FHIT: variants seen among roughly 807,000 people sequenced by gnomAD.
The protein encoded by FHIT is fragile histidine triad diadenosine triphosphatase.
FHIT carries 19 observed loss-of-function variants against 17.9 expected under a neutral mutation model. That is an observed-to-expected ratio of 1.06 (90% CI 0.74 to 1.56). The LOEUF (loss-of-function observed/expected upper bound fraction) is 1.56, where lower values mean the gene tolerates loss of function less well. Among genes scored for constraint, FHIT ranks in the 40% most tolerant of loss-of-function variants. The probability of loss-of-function intolerance (pLI) is 0.00; values close to 1 mark genes in which losing one functional copy is unlikely to be tolerated. For missense variants in FHIT, 248 were observed against 189.2 expected (o/e 1.31, Z -1.82); for synonymous variants, 81 against 69.7 (o/e 1.16, Z -0.81).
At chr3:60,871,278 G>A (rs1316525617) in intron 3 of FHIT, among the ~76,000 whole-genome samples, 1 of 151,906 alleles carries the variant, frequency 6.6e-6, no homozygotes, top group East Asian at 1.9e-4. Flanking sequence ...GAGCTTTATG[G>A]TGGCACTCTA....
intron 5 of FHIT, among the ~76,000 whole-genome samples, chr3:60,496,531 A>G (rs567781808): frequency 3.9e-5 from 6 of 152,270 alleles, no homozygotes; most frequent in African/African-American, 1.4e-4. Context: ...TTTTCACCCA[A>G]TGCTATGGAG....
intron 5 of FHIT, among the ~76,000 whole-genome samples, chr3:60,221,884 C>A (rs1474609951): frequency 6.6e-6 from 1 of 151,636 alleles, no homozygotes; most frequent in African/African-American, 2.4e-5. Flanking sequence ...TTAATTAGGC[C>A]TAGTAGAGTG....
At chr3:59,868,568 T>A (rs1702765040) in intron 8 of FHIT, among the ~76,000 whole-genome samples, 1 of 152,226 alleles carries the variant, frequency 6.6e-6, no homozygotes, top group Non-Finnish European at 1.5e-5. Context: ...TTACAGTGCA[T>A]TTCTCTGACA....
intron 5 of FHIT, among the ~76,000 whole-genome samples, chr3:60,203,934 G>T (rs1484536840): frequency 5.3e-5 from 8 of 152,182 alleles, no homozygotes; most frequent in Non-Finnish European, 1.0e-4. Flanking sequence ...ATGGTTAACA[G>T]AGGCTGGGAA....
At chr3:59,878,541 C>T (rs1039415739) in intron 8 of FHIT, among the ~76,000 whole-genome samples, 7 of 152,154 alleles carry the variant, frequency 4.6e-5, no homozygotes, top group Non-Finnish European at 8.8e-5. Flanking sequence ...ATGCTGACCC[C>T]AAAGTGGGAT....
intron 7 of FHIT, among the ~76,000 whole-genome samples, chr3:59,990,338 C>G (rs1410240682): frequency 6.6e-6 from 1 of 151,992 alleles, no homozygotes; most frequent in East Asian, 1.9e-4. Flanking sequence ...CAATCGGTAG[C>G]AATTCTAATT....
intron 5 of FHIT, among the ~76,000 whole-genome samples, chr3:60,042,571 G>A (rs569587257): frequency 5.3e-5 from 8 of 152,158 alleles, no homozygotes; most frequent in South Asian, 4.1e-4. Context: ...CTCTTTGCTT[G>A]TCTGTTGCTA....
chr3:61,102,600 T>C (rs2035866741), intron 2 of FHIT, among the ~76,000 whole-genome samples: 1 of 152,220 alleles, frequency 6.6e-6, no homozygotes, highest in African/African-American at 2.4e-5. Context: ...CCTCTTTTTC[T>C]ATTGAATGGA....
At chr3:60,908,190 C>G (rs1208432879) in intron 3 of FHIT, among the ~76,000 whole-genome samples, 1 of 152,126 alleles carries the variant, frequency 6.6e-6, no homozygotes, top group Admixed American at 6.5e-5. Context: ...TCAGCAATAA[C>G]TGGAATTCTG....
At chr3:60,067,856 T>G (rs1028711878) in intron 5 of FHIT, among the ~76,000 whole-genome samples, 1 of 152,180 alleles carries the variant, frequency 6.6e-6, no homozygotes, top group Non-Finnish European at 1.5e-5. Flanking sequence ...GACTAACAGT[T>G]TGAAGGGCAA....
Position 61,209,140 on chromosome 3 carries a change from T to C in FHIT, c.-212-8475A>G, listed in dbSNP as rs182685618. On this transcript the variant is annotated intron_variant, in intron 1 of 9. Coordinates refer to ENST00000492590, the MANE Select transcript of FHIT (RefSeq NM_002012.4). ...TCTTTCCTTTAAGAATGTTGAATAT[T>C]GGCCCCCACTCTCTTCTGGCTTGTA... Among the ~76,000 whole-genome samples, 44 of 150,180 alleles carry C rather than the reference T, an allele frequency of 2.9e-4. No individual in the cohort carries two copies. In the East Asian group the frequency reaches 7.7e-3, roughly 26 times the overall value.
intron 8 of FHIT, among the ~76,000 whole-genome samples, chr3:59,906,613 T>C (rs770853325): frequency 3.3e-5 from 5 of 152,238 alleles, no homozygotes; most frequent in Non-Finnish European, 5.9e-5. Flanking sequence ...TGGATCTCAA[T>C]GGCCTGCGTG....
At chr3:60,068,068 T>C (rs1302623106) in intron 5 of FHIT, among the ~76,000 whole-genome samples, 2 of 151,942 alleles carry the variant, frequency 1.3e-5, no homozygotes, top group African/African-American at 2.4e-5. Flanking sequence ...AAACCCCGTC[T>C]CTACTAAAAA....
At chr3:60,213,517 C>T (rs917458646) in intron 5 of FHIT, among the ~76,000 whole-genome samples, 52 of 152,192 alleles carry the variant, frequency 3.4e-4, no homozygotes, top group African/African-American at 1.1e-3. Context: ...GCCATTTCCA[C>T]CACAACCATA....
rs1419953936 is a variant in FHIT, at chr3:61,249,490, G to C, written c.-213+1811C>G. On this transcript the variant is annotated intron_variant, in intron 1 of 9. Transcript: ENST00000492590. ...TAAAAGATTCCAAATTCTGTAGCCA[G>C]AAAGGTTGGACTCCTCCTCAGCTCT... 2.0e-5 allele frequency among the ~76,000 whole-genome samples: 3 copies of C among 152,184 alleles called. No individual in the cohort carries two copies. In the East Asian group the frequency reaches 5.8e-4, roughly 29 times the overall value.
At chr3:61,065,037 G>C (rs2034554228) in intron 2 of FHIT, among the ~76,000 whole-genome samples, 1 of 151,990 alleles carries the variant, frequency 6.6e-6, no homozygotes, top group Non-Finnish European at 1.5e-5. Context: ...AGTGTCCTGG[G>C]GCATAATTCC....
At chr3:60,908,342 G>T (rs1553765044) in intron 3 of FHIT, among the ~76,000 whole-genome samples, 1 of 152,128 alleles carries the variant, frequency 6.6e-6, no homozygotes, top group East Asian at 1.9e-4. Context: ...AAGAACAAAA[G>T]TACAGGTGCT....
Position 60,314,730 on chromosome 3 carries a change from G to A in FHIT, c.103+222130C>T, listed in dbSNP as rs145467611. 5.0e-3 allele frequency among the ~76,000 whole-genome samples: 764 copies of A among 152,254 alleles called. 5 individuals are homozygous for A. The highest frequency in any genetic ancestry group is 0.01 in the Middle Eastern group (3 of 294). On this transcript the variant is annotated intron_variant, in intron 5 of 9. Transcript: ENST00000492590. ...TCTTTAACATTCCTTCCATCCAGAA[G>A]TGAGGGGTCTATGTTCCTTCTCCCT...
rs190745651 is a variant in FHIT, at chr3:60,440,525, T to C, written c.103+96335A>G. 3.1e-3 allele frequency among the ~76,000 whole-genome samples: 474 copies of C among 152,198 alleles called. 3 individuals are homozygous for C. Among genetic ancestry groups the C allele is most frequent in the Non-Finnish European group, 3.6e-3 (247 of 68,014 alleles). On this transcript the variant is annotated intron_variant, in intron 5 of 9. Coordinates refer to ENST00000492590, the MANE Select transcript of FHIT (RefSeq NM_002012.4). ...CCTGTAACTTTACCTGCACTATCATTTAATTCGCTCAGCAATCCTATAAAG... is the reference window on the plus strand; with the variant it reads ...CCTGTAACTTTACCTGCACTATCATCTAATTCGCTCAGCAATCCTATAAAG...
Sources: allele counts gnomAD v4.1 joint callset (sites outside exome capture counted in the v4.1 genomes callset), GRCh38; gene constraint gnomAD v4.1.1; transcripts MANE v1.5; gene names NCBI Gene and HGNC (gene_info 2026-07-23, HGNC 2026-07-21).